The following CREB3L2 variants were observed in gnomAD, a reference collection of about 807,000 sequenced individuals.
CREB3L2 encodes cAMP responsive element binding protein 3 like 2.
CREB3L2 carries 23 observed loss-of-function variants against 57.2 expected under a neutral mutation model. The ratio of observed to expected loss-of-function variants is 0.40; its 90% CI spans 0.29 to 0.57. CREB3L2 has a LOEUF of 0.57. Among genes scored for constraint, CREB3L2 ranks in the 20% least tolerant of loss-of-function variants. The pLI is 0.42. For missense variants in CREB3L2, 628 were observed against 634.7 expected (o/e 0.99, Z 0.11); for synonymous variants, 268 against 265.1 (o/e 1.01, Z -0.11).
intron 2 of CREB3L2, among the ~76,000 whole-genome samples, chr7:137,926,927 C>G (rs1800478493): frequency 6.6e-6 from 1 of 152,118 alleles, no homozygotes; most frequent in South Asian, 2.1e-4. Context: ...GGAGGAAAGA[C>G]CACTTCAGCC....
rs1799137660 is a variant in CREB3L2 at position 137,875,841 on chromosome 7, T to C, written c.*4635A>G. On this transcript the variant is annotated 3_prime_UTR_variant, in exon 12 of 12. Coordinates refer to ENST00000330387, the MANE Select transcript of CREB3L2 (RefSeq NM_194071.4). ...CCTAGTAAATGCTCAAGAAATATTA[T>C]TTCCCTTCCTTCTAGAAACCAAGGC... The C allele has an allele frequency of 4.5e-6, 1 of 224,514 alleles. No homozygotes were observed. The highest frequency in any genetic ancestry group is 2.2e-5 in the African/African-American group (1 of 44,902). 13.9% of individuals were successfully genotyped at this position (224,514 alleles called of 1,614,324 possible). A position where few individuals can be genotyped will look rare whatever the true frequency, so the allele number is the denominator to read the frequency against.
intron 1 of CREB3L2, among the ~76,000 whole-genome samples, chr7:137,950,566 T>A (rs1458717956): frequency 6.6e-6 from 1 of 152,118 alleles, no homozygotes; most frequent in Non-Finnish European, 1.5e-5. Context: ...GGATTTGGTT[T>A]GTTTGGGGTG....
rs1563262163 is a variant in CREB3L2, at chr7:137,946,768, AGTTATCTATATAGTTATC to A, written c.103-18420_103-18403del. Among the ~76,000 whole-genome samples, 41 of 31,904 alleles carry A rather than the reference AGTTATCTATATAGTTATC, an allele frequency of 1.3e-3. 4 individuals are homozygous for A. Among genetic ancestry groups the A allele is most frequent in the African/African-American group, 3.5e-3 (39 of 11,152 alleles). 20.9% of individuals were successfully genotyped at this position (31,904 alleles called of 152,430 possible). A position where few individuals can be genotyped will look rare whatever the true frequency, so the allele number is the denominator to read the frequency against. The stretch of plus-strand genomic sequence containing the variant: ...TTTTTTATAGTTATCTATATAGTTT[AGTTATCTATATAGTTATC>A]TATATAGTTATATATAGTTATATAT... On this transcript the variant is annotated intron_variant, in intron 1 of 11. Transcript: ENST00000330387.
intron 1 of CREB3L2, among the ~76,000 whole-genome samples, chr7:137,999,269 C>T (rs535311177): frequency 3.3e-5 from 5 of 152,088 alleles, no homozygotes; most frequent in African/African-American, 9.6e-5. Context: ...TGCTCTTCTT[C>T]CACCTTGTAT....
chr7:137,978,690 C>T (rs141414898), intron 1 of CREB3L2, among the ~76,000 whole-genome samples: 9 of 152,276 alleles, frequency 5.9e-5, no homozygotes, highest in Non-Finnish European at 8.8e-5. Context: ...CTGTCATTCC[C>T]CCTGGGTGAA....
chr7:137,897,356 T>C (rs117902092), intron 8 of CREB3L2, among the ~76,000 whole-genome samples: 5,781 of 152,218 alleles, frequency 0.038, 180 homozygotes, highest in Non-Finnish European at 0.062. Flanking sequence ...CAGATCCCAA[T>C]AGCATGAAGT....
chr7:137,905,863 G>A lies in CREB3L2; in HGVS notation c.769-15C>T, dbSNP rs201836971. 3.8e-6 allele frequency: 6 copies of A among 1,583,546 alleles called. No individual in the cohort carries two copies. Among genetic ancestry groups the A allele is most frequent in the Non-Finnish European group, 5.1e-6 (6 of 1,168,430 alleles). On this transcript the variant is annotated splice_polypyrimidine_tract_variant and intron_variant, in intron 5 of 11. Transcript: ENST00000330387. ...CCCTGCAGTTTCTGTGCAGACCAAG[G>A]AGCAGAAAAGGGTCAAAGAAAAAGA...
chr7:137,972,728 TATATATATAGAGAGAGAGAG>T (rs1186214808), intron 1 of CREB3L2, among the ~76,000 whole-genome samples: 10 of 29,784 alleles, frequency 3.4e-4, no homozygotes, highest in African/African-American at 1.9e-3. Context: ...TATATATATA[TATATATATAGAGAGAGAGAG>T]AGAGAGAGAG....
intron 4 of CREB3L2, among the ~76,000 whole-genome samples, chr7:137,909,373 C>G (rs1193646684): frequency 6.6e-6 from 1 of 152,184 alleles, no homozygotes; most frequent in African/African-American, 2.4e-5. Flanking sequence ...TCCAGGGCAG[C>G]AGAGATGGGC....
In CREB3L2 at chr7:137,928,284, A is replaced by T; in HGVS notation, c.185T>A (p.Val62Glu). The T allele has an allele frequency of 6.2e-7, 1 of 1,614,176 alleles. No homozygotes were observed. The highest frequency in any genetic ancestry group is 8.5e-7 in the Non-Finnish European group (1 of 1,180,034). Residue 62 changes from valine (V) to glutamate (E), a missense_variant, in exon 2 of 12, where the codon GTG (valine) becomes GAG (glutamate). Val to Glu is a moderately radical substitution (Grantham distance 121). This residue lies in a region of CREB3L2 where 339 missense variants were observed against 355.4 expected (regional missense o/e 0.95). Transcript: ENST00000330387. Reference protein sequence around the residue: ...LNDPFLSEKSVSMEVEPSPTS... With the variant: ...LNDPFLSEKSESMEVEPSPTS... ...CGGGGAAGGTTCCACCTCCATTGAC[A>T]CACTCTTCTCTGAGAGGAAAGGATC... is the stretch of plus-strand genomic sequence containing the variant.
chr7:137,993,903 C>T (rs1338076554), intron 1 of CREB3L2, among the ~76,000 whole-genome samples: 3 of 152,224 alleles, frequency 2.0e-5, no homozygotes, highest in Non-Finnish European at 2.9e-5. Context: ...TTACATTCCC[C>T]ATAGATAAAA....
Position 137,971,267 on chromosome 7 carries a change from G to A in CREB3L2, c.102+30337C>T, listed in dbSNP as rs1006414718. Among the ~76,000 whole-genome samples, 6 of 152,168 alleles carry A rather than the reference G, an allele frequency of 3.9e-5. No individual in the cohort carries two copies. In the East Asian group the frequency reaches 9.7e-4, roughly 25 times the overall value. ...AGATGGAGACCATCCTGGCTAACAC[G>A]GTGAAACCCCATCTCTACTAAAAAT... On this transcript the variant is annotated intron_variant, in intron 1 of 11. Transcript: ENST00000330387.
At chr7:137,910,885 G>C (rs1799991178) in intron 4 of CREB3L2, among the ~76,000 whole-genome samples, 1 of 152,136 alleles carries the variant, frequency 6.6e-6, no homozygotes, top group Non-Finnish European at 1.5e-5. Context: ...CAAGGTCTGG[G>C]GACAACAAGC....
chr7:137,946,673 T>A (rs1407750585), intron 1 of CREB3L2, among the ~76,000 whole-genome samples: 4 of 149,238 alleles, frequency 2.7e-5, no homozygotes, highest in African/African-American at 9.8e-5. Context: ...ATATATAAGC[T>A]ATATATATAA....
chr7:137,928,559 T>C (rs772375054), intron 1 of CREB3L2, among the ~76,000 whole-genome samples, 193 bp from the exon 2 acceptor site: 2 of 152,120 alleles, frequency 1.3e-5, no homozygotes, highest in Non-Finnish European at 2.9e-5. Context: ...TATTAATATA[T>C]TACTTCTCCC....
rs1348425205 is a variant in CREB3L2 at position 137,875,178 on chromosome 7, T to C, written c.*5298A>G. The C allele has an allele frequency of 4.8e-6, 1 of 209,764 alleles. No homozygotes were observed. The highest frequency in any genetic ancestry group is 9.7e-6 in the Non-Finnish European group (1 of 103,140). 13.0% of individuals were successfully genotyped at this position (209,764 alleles called of 1,614,324 possible). A position where few individuals can be genotyped will look rare whatever the true frequency, so the allele number is the denominator to read the frequency against. On this transcript the variant is annotated 3_prime_UTR_variant, in exon 12 of 12. Transcript: ENST00000330387. The stretch of plus-strand genomic sequence containing the variant: ...ACAGATAACAGACTCACAACGTATT[T>C]AGATTTAAACACTGCTGGTCTACGT...
rs1799871739 is a variant in CREB3L2 at position 137,905,701 on chromosome 7, C to T, written c.915+1G>A. On this transcript the variant is annotated splice_donor_variant, in intron 6 of 11. Coordinates refer to ENST00000330387, the MANE Select transcript of CREB3L2 (RefSeq NM_194071.4). LOFTEE classifies it high-confidence loss of function. The stretch of plus-strand genomic sequence containing the variant: ...GAAGTGCCTAGATTTGAAGAGCTCA[C>T]CTTATTCTTGATCTTCCTCCGAATT... The T allele has an allele frequency of 6.2e-7, 1 of 1,613,976 alleles. No individual in the cohort carries two copies. The highest frequency in any genetic ancestry group is 1.1e-5 in the South Asian group (1 of 91,078).
chr7:138,000,873 G>C (rs1415635980), intron 1 of CREB3L2, among the ~76,000 whole-genome samples: 1 of 152,122 alleles, frequency 6.6e-6, no homozygotes, highest in Non-Finnish European at 1.5e-5. Context: ...TCCCCCAAGA[G>C]ATCTCTGAGG....
rs1204947193 is a variant in CREB3L2, at chr7:137,922,508, A to AAT, written c.319+5640_319+5641dup. 614 of 243,862 alleles carry AAT rather than the reference A, an allele frequency of 2.5e-3. 1 individual carries two copies. Among genetic ancestry groups the AAT allele is most frequent in the South Asian group, 3.2e-3 (76 of 24,028 alleles). The allele number at this position is 243,862 out of a possible 1,614,324, so 15.1% of individuals were successfully genotyped here. A position where few individuals can be genotyped will look rare whatever the true frequency, so the allele number is the denominator to read the frequency against. On this transcript the variant is annotated intron_variant, in intron 2 of 11. Coordinates refer to ENST00000330387, the MANE Select transcript of CREB3L2 (RefSeq NM_194071.4). ...TATACACACACACACACACACACACAATATATATATATACATGTGAACATA... is the reference window on the plus strand; with the variant it reads ...TATACACACACACACACACACACACAATATATATATATATACATGTGAACATA...
Sources: allele counts gnomAD v4.1 joint callset (sites outside exome capture counted in the v4.1 genomes callset), GRCh38; gene constraint gnomAD v4.1.1; regional missense constraint gnomAD v4.1.1; transcripts MANE v1.5; gene names NCBI Gene and HGNC (gene_info 2026-07-23, HGNC 2026-07-21).